Variants in PIMREG observed in about 807,000 individuals in gnomAD.
PIMREG encodes PICALM interacting mitotic regulator.
Under a neutral mutation model 24.3 loss-of-function variants are expected in PIMREG, and 19 were observed. That is an observed-to-expected ratio of 0.78 (90% confidence interval 0.54 to 1.15). The LOEUF (loss-of-function observed/expected upper bound fraction) is 1.15, where lower values mean the gene tolerates loss of function less well. PIMREG is among the 50% of genes most tolerant of loss of function. The pLI is 0.00. For synonymous variants in PIMREG, 112 were observed against 124.1 expected, an observed-to-expected ratio of 0.90 and a Z score of 0.65; for missense variants, 283 against 306.8, an observed-to-expected ratio of 0.92 and a Z score of 0.58.
rs1387195745 is a variant in PIMREG, at chr17:6,450,982, C to T, written c.*635C>T. ...CTTTGTAAATTATTTAAGAAACCTG[C>T]TTTGTCATTTTATTAGAAAGAAACC... On this transcript the variant is annotated 3_prime_UTR_variant, in exon 6 of 6. Coordinates refer to ENST00000572447, the MANE Select transcript of PIMREG (RefSeq NM_019013.3). The T allele has an allele frequency of 6.6e-6, 1 of 152,530 alleles. No homozygotes were observed. The highest frequency in any genetic ancestry group is 1.5e-5 in the Non-Finnish European group (1 of 68,252). The allele number at this position is 152,530 out of a possible 1,614,324, so 9.4% of individuals were successfully genotyped here.
intron 2 of PIMREG, chr17:6,446,245 G>T (rs56120113): frequency 0.024 from 9,567 of 400,770 alleles, 483 homozygotes; most frequent in African/African-American, 0.13. Context: ...TGGAGGTGTA[G>T]ACGTGTCACT....
chr17:6,445,936 G>C (rs1913554321), intron 2 of PIMREG, among the ~76,000 whole-genome samples: 1 of 152,168 alleles, frequency 6.6e-6, no homozygotes, highest in African/African-American at 2.4e-5. Flanking sequence ...ATATGAAGGA[G>C]CTTAGAACTC....
At chr17:6,449,641 T>C in intron 4 of PIMREG, 1 of 1,336,342 alleles carries the variant, frequency 7.5e-7, no homozygotes, top group Non-Finnish European at 9.7e-7. Context: ...TGGGACCCCA[T>C]GTTTGTCCAT....
intron 4 of PIMREG, chr17:6,449,662 C>A: frequency 1.4e-6 from 2 of 1,382,582 alleles, no homozygotes; most frequent in Non-Finnish European, 1.9e-6. Flanking sequence ...CACTTGGAAC[C>A]TCACGTGTGG....
At chr17:6,446,802 C>A (rs1329760895) in intron 2 of PIMREG, among the ~76,000 whole-genome samples, 1 of 152,152 alleles carries the variant, frequency 6.6e-6, no homozygotes, top group Non-Finnish European at 1.5e-5. Flanking sequence ...ACAGGGGGTG[C>A]TGGGCGGGGT....
intron 5 of PIMREG, 23 bp downstream of exon 5, chr17:6,450,095 CT>C (rs763736402): frequency 6.2e-7 from 1 of 1,611,434 alleles, no homozygotes; most frequent in Non-Finnish European, 8.5e-7. Context: ...TCCCAAGAGT[CT>C]TTCTCACTGT....
chr17:6,445,783 T>C (rs926856931), intron 2 of PIMREG, among the ~76,000 whole-genome samples: 16 of 151,870 alleles, frequency 1.1e-4, no homozygotes, highest in African/African-American at 3.9e-4. Context: ...GTATTTAGGG[T>C]AGGGGAAATA....
chr17:6,447,790 GT>G, intron 3 of PIMREG, 32 bp downstream of exon 3: 1 of 1,557,246 alleles, frequency 6.4e-7, no homozygotes, highest in East Asian at 2.3e-5. Flanking sequence ...CCCGGGGCTG[GT>G]GGCCTTTTAA....
At position 6,445,228 on chromosome 17, in the gene PIMREG, G is replaced by C; in HGVS notation, c.118G>C (p.Val40Leu). ...QPVVSHQETS[V>L]GALGSLCRQF... Reference sequence around the variant, plus strand: ...TGTGGTCAGCCATCAGGAGACCTCTGTAGGGGCCCTGGGGTCCCTGTGCAG... The same window carrying C: ...TGTGGTCAGCCATCAGGAGACCTCTCTAGGGGCCCTGGGGTCCCTGTGCAG... Residue 40 changes from valine (V) to leucine (L), a missense_variant, in exon 2 of 6, where the codon GTA becomes CTA. Transcript: ENST00000572447. 6.2e-7 allele frequency: 1 copy of C among 1,613,824 alleles called. No individual in the cohort carries two copies. Among genetic ancestry groups the C allele is most frequent in the Non-Finnish European group, 8.5e-7 (1 of 1,179,966 alleles).
chr17:6,449,653 A>G (rs1023561953), intron 4 of PIMREG: 24 of 1,365,250 alleles, frequency 1.8e-5, no homozygotes, highest in South Asian at 3.7e-5. Context: ...TTTGTCCATC[A>G]CTTGGAACCT....
In PIMREG at chr17:6,447,736, A is replaced by G; in HGVS notation, c.568A>G (p.Thr190Ala). ...TGCCTTCCGGAGCCCCTACTCCTCA[A>G]CAGAGCCCCTCTGCTCTCCCAGGCA... Reference protein sequence around the residue: ...EAAFRSPYSSTEPLCSPSESD... With the variant: ...EAAFRSPYSSAEPLCSPSESD... The change falls in exon 3 of 6, where the codon ACA (threonine) becomes GCA (alanine). Residue 190 changes from threonine (T) to alanine (A), a missense_variant. Thr to Ala is a moderately conservative substitution (Grantham distance 58, BLOSUM62 0). Coordinates refer to ENST00000572447, the MANE Select transcript of PIMREG (RefSeq NM_019013.3). 2 of 1,608,698 alleles carry G rather than the reference A, an allele frequency of 1.2e-6. No homozygotes were observed. The highest frequency in any genetic ancestry group is 1.7e-6 in the Non-Finnish European group (2 of 1,176,014).
Position 6,446,953 on chromosome 17 carries a change from G to A in PIMREG, c.295-510G>A, listed in dbSNP as rs946819765. Among the ~76,000 whole-genome samples the A allele has an allele frequency of 5.9e-5, 9 of 152,322 alleles. No homozygotes were observed. In the South Asian group the frequency reaches 8.3e-4, roughly 14 times the overall value. On this transcript the variant is annotated intron_variant, in intron 2 of 5. Transcript: ENST00000572447. The stretch of plus-strand genomic sequence containing the variant: ...TGCTGCTGTCATATCCAAGAGCTCT[G>A]AGCTGGGTCCCAGCCGTGGACTCAT...
At position 6,445,147 on chromosome 17, in the gene PIMREG, C is replaced by G; in HGVS notation, c.37C>G (p.Arg13Gly). ...GTGGCAGAACATGGGGACCTCCGTG[C>G]GCCGGAGATCTCTCCAGCACCAGGA... is the stretch of plus-strand genomic sequence containing the variant. ...SRWQNMGTSV[R>G]RRSLQHQEQL... Residue 13 changes from arginine (R) to glycine (G), a missense_variant, in exon 2 of 6, where the codon CGC becomes GGC. Arg to Gly is a moderately radical substitution (Grantham distance 125). Transcript: ENST00000572447. 1 of 1,608,364 alleles carries G rather than the reference C, an allele frequency of 6.2e-7. No individual in the cohort carries two copies. Among genetic ancestry groups the G allele is most frequent in the Non-Finnish European group, 8.5e-7 (1 of 1,177,024 alleles).
In PIMREG at chr17:6,451,404, A is replaced by G. The variant is rs1002909827; in HGVS notation, c.*1057A>G. 1 of 152,236 alleles carries G rather than the reference A, an allele frequency of 6.6e-6. No individual in the cohort carries two copies. Among genetic ancestry groups the G allele is most frequent in the African/African-American group, 2.4e-5 (1 of 41,464 alleles). 9.4% of individuals were successfully genotyped at this position (152,236 alleles called of 1,614,324 possible). On this transcript the variant is annotated 3_prime_UTR_variant, in exon 6 of 6. Coordinates refer to ENST00000572447, the MANE Select transcript of PIMREG (RefSeq NM_019013.3). ...TGTTAGAAATCTGATATCTTACATT[A>G]GCGTTTCTAACGGATTTTGTACAAG...
Position 6,450,365 on chromosome 17 carries a change from A to G in PIMREG, c.*18A>G. 6.4e-7 allele frequency: 1 copy of G among 1,560,022 alleles called. No homozygotes were observed. The highest frequency in any genetic ancestry group is 8.6e-7 in the Non-Finnish European group (1 of 1,160,068). ...AAAAGGCAGCTCTGTCTTGAAGGAAACAAGCCCTGTCTGACCGCCAAGGCT... is the reference window on the plus strand; with the variant it reads ...AAAAGGCAGCTCTGTCTTGAAGGAAGCAAGCCCTGTCTGACCGCCAAGGCT... On this transcript the variant is annotated 3_prime_UTR_variant, in exon 6 of 6. Transcript: ENST00000572447.
At chr17:6,445,847 T>C in intron 2 of PIMREG, among the ~76,000 whole-genome samples, 1 of 152,162 alleles carries the variant, frequency 6.6e-6, no homozygotes, top group Admixed American at 6.5e-5. Flanking sequence ...CCCACTCAGC[T>C]GTGTATCCCT....
intron 3 of PIMREG, 66 bp from the exon 4 acceptor site, chr17:6,449,246 G>A (rs1027398641): frequency 4.2e-5 from 59 of 1,405,374 alleles, no homozygotes; most frequent in Admixed American, 9.5e-5. Flanking sequence ...CCCCGGTACC[G>A]GGTTGCAAGG....
At position 6,445,086 on chromosome 17, in the gene PIMREG, A is replaced by G; in HGVS notation, c.-25A>G. The G allele has an allele frequency of 6.4e-7, 1 of 1,559,842 alleles. No individual in the cohort carries two copies. The highest frequency in any genetic ancestry group is 8.7e-7 in the Non-Finnish European group (1 of 1,153,946). ...CGCCCTCCTCCCCAGGGTCTAGTGG[A>G]CAGAGAAGACTCTTGGCCAGGCAGA... On this transcript the variant is annotated 5_prime_UTR_variant, in exon 2 of 6. Transcript: ENST00000572447.
intron 2 of PIMREG, among the ~76,000 whole-genome samples, chr17:6,446,846 TG>T (rs1342884642): frequency 1.3e-5 from 2 of 152,134 alleles, no homozygotes; most frequent in Non-Finnish European, 2.9e-5. Flanking sequence ...CCTTCAGTCC[TG>T]GGGTCACCGT....
Sources: gnomAD v4.1 joint callset for allele counts (sites outside exome capture counted in the v4.1 genomes callset) on GRCh38, gnomAD v4.1.1 for gene constraint, MANE v1.5 for transcripts, NCBI Gene and HGNC (gene_info 2026-07-23, HGNC 2026-07-21) for gene names.